The following DHX29 variants were observed in gnomAD, a reference collection of about 807,000 sequenced individuals.
The protein encoded by DHX29 is DExH-box helicase 29, also known as ATP-dependent RNA helicase DHX29.
A neutral mutation model predicts 167.9 loss-of-function variants in DHX29; 79 were observed. The observed-to-expected ratio is 0.47, with a 90% CI of 0.39 to 0.57. The LOEUF (loss-of-function observed/expected upper bound fraction) is 0.57. Among genes scored for constraint, DHX29 ranks in the 20% least tolerant of loss-of-function variants. DHX29 has a pLI of 0.00. For synonymous variants in DHX29, 530 were observed against 546.0 expected (o/e 0.97, Z 0.41); for missense variants, 1,347 against 1,593.4 (o/e 0.85, Z 2.63).
At chr5:55,286,779 T>C (rs1203933447) in intron 8 of DHX29, among the ~76,000 whole-genome samples, 1 of 152,286 alleles carries the variant, frequency 6.6e-6, no homozygotes, top group Non-Finnish European at 1.5e-5. Flanking sequence ...CATATTTGGC[T>C]AGCAGCTATG....
chr5:55,273,374 A>G lies in DHX29; in HGVS notation c.2694T>C (p.Tyr898=), dbSNP rs779785381. 2.6e-6 allele frequency: 4 copies of G among 1,567,638 alleles called. No homozygotes were observed. The highest frequency in any genetic ancestry group is 1.2e-5 in the South Asian group (1 of 82,830). The change falls in exon 17 of 27, where the codon TAT becomes TAC. Residue 898 remains tyrosine (Y), a synonymous_variant. Coordinates refer to ENST00000251636, the MANE Select transcript of DHX29 (RefSeq NM_019030.4). ...GAATAGAATGCAGAGCTATCACTTT[A>G]TATCTGAAAGTTAAAATCATAGTTC... is the stretch of plus-strand genomic sequence containing the variant. ...SNDRRFYSER[Y]KVIALHSILS...
chr5:55,282,079 C>A (rs752804990), intron 11 of DHX29, among the ~76,000 whole-genome samples: 1 of 152,286 alleles, frequency 6.6e-6, no homozygotes, highest in Non-Finnish European at 1.5e-5. Flanking sequence ...AGCCACCACA[C>A]CCAGCCCCAA....
intron 15 of DHX29, 50 bp from the exon 16 acceptor site, chr5:55,274,781 G>T (rs1211968823): frequency 6.4e-7 from 1 of 1,562,580 alleles, no homozygotes; most frequent in Non-Finnish European, 8.7e-7. Flanking sequence ...ATAAGGAACA[G>T]CATATAAAAT....
chr5:55,272,578 C>T (rs766737615), intron 17 of DHX29, among the ~76,000 whole-genome samples: 6 of 152,056 alleles, frequency 3.9e-5, no homozygotes, highest in Non-Finnish European at 8.8e-5. Flanking sequence ...ACTAAAAATA[C>T]AAAAATTAGC....
At chr5:55,299,596 C>A (rs972438483) in intron 1 of DHX29, among the ~76,000 whole-genome samples, 1 of 152,150 alleles carries the variant, frequency 6.6e-6, no homozygotes, top group Non-Finnish European at 1.5e-5. Flanking sequence ...GTTCCTTCCC[C>A]CTTCCAGCTT....
At chr5:55,288,156 T>A (rs1392942188) in intron 8 of DHX29, among the ~76,000 whole-genome samples, 2 of 151,800 alleles carry the variant, frequency 1.3e-5, no homozygotes, top group African/African-American at 4.8e-5. Context: ...GGCAGGAGGA[T>A]CACTTGAACC....
At chr5:55,298,489 T>C (rs1748430440) in intron 2 of DHX29, 102 bp downstream of exon 2, 2 of 689,866 alleles carry the variant, frequency 2.9e-6, no homozygotes, top group Non-Finnish European at 5.1e-6. Flanking sequence ...TTTACAAAAA[T>C]TTAAAACACC....
chr5:55,282,702 T>C (rs1747494360), intron 11 of DHX29, among the ~76,000 whole-genome samples: 2 of 152,230 alleles, frequency 1.3e-5, no homozygotes, highest in South Asian at 2.1e-4. Flanking sequence ...TATACTTGCA[T>C]GGCAAAATGC....
chr5:55,274,738 T>A lies in DHX29; in HGVS notation c.2573-7A>T, dbSNP rs1747021482. The A allele has an allele frequency of 6.3e-7, 1 of 1,578,522 alleles. No homozygotes were observed. The highest frequency in any genetic ancestry group is 1.4e-5 in the African/African-American group (1 of 72,526). On this transcript the variant is annotated splice_polypyrimidine_tract_variant and splice_region_variant and intron_variant, in intron 15 of 26. Coordinates refer to ENST00000251636, the MANE Select transcript of DHX29 (RefSeq NM_019030.4). ...CTGAATTGGGGACTTTTATCTGAAA[T>A]TTTTAAAAAGATACAATATTCAAAA...
chr5:55,302,402 G>A (rs1470178531), intron 1 of DHX29, among the ~76,000 whole-genome samples: 6 of 152,022 alleles, frequency 3.9e-5, no homozygotes, highest in Admixed American at 3.9e-4. Context: ...GAGTAAGACT[G>A]TAAATTCCTT....
Position 55,290,333 on chromosome 5 carries a change from G to A in DHX29, c.792C>T (p.Tyr264=), listed in dbSNP as rs1483926790. The change falls in exon 7 of 27, where the codon TAC becomes TAT. Residue 264 remains tyrosine (Y), a synonymous_variant. Coordinates refer to ENST00000251636, the MANE Select transcript of DHX29 (RefSeq NM_019030.4). ...EEEKFDPNER[Y]LHLAAKLLDA... ...CCAGCAGTTTTGCTGCAAGATGTAA[G>A]TACCTTTCATTCTGTTCCAAATAAA... 1 of 1,604,596 alleles carries A rather than the reference G, an allele frequency of 6.2e-7. No individual in the cohort carries two copies. Among genetic ancestry groups the A allele is most frequent in the East Asian group, 2.2e-5 (1 of 44,776 alleles).
chr5:55,306,367 A>G (rs890557265), intron 1 of DHX29, among the ~76,000 whole-genome samples: 5 of 152,162 alleles, frequency 3.3e-5, no homozygotes, highest in African/African-American at 1.2e-4. Context: ...TGCTTCACAG[A>G]GTTAACTCCT....
chr5:55,283,829 G>T lies in DHX29; in HGVS notation c.1357-18C>A. 6.5e-7 allele frequency: 1 copy of T among 1,544,418 alleles called. No homozygotes were observed. ...TGAACTGACTAAAGGAAAAACAGAG[G>T]TATGTTATTTTCACTAACTATTCAA... On this transcript the variant is annotated intron_variant, in intron 10 of 26. Coordinates refer to ENST00000251636, the MANE Select transcript of DHX29 (RefSeq NM_019030.4).
chr5:55,292,484 C>T (rs531192338), intron 6 of DHX29, among the ~76,000 whole-genome samples: 1 of 152,286 alleles, frequency 6.6e-6, no homozygotes, highest in Admixed American at 6.5e-5. Flanking sequence ...CCTACCCTTT[C>T]CAAATTGCTC....
At chr5:55,276,505 A>G in intron 13 of DHX29, 99 bp from the exon 14 acceptor site, 3 of 950,054 alleles carry the variant, frequency 3.2e-6, no homozygotes, top group African/African-American at 3.5e-5. Flanking sequence ...ATGTCACCAA[A>G]TGTTAATTTA....
At chr5:55,302,262 G>A (rs1447029419) in intron 1 of DHX29, among the ~76,000 whole-genome samples, 1 of 152,062 alleles carries the variant, frequency 6.6e-6, no homozygotes, top group African/African-American at 2.4e-5. Context: ...AATTTAGCAT[G>A]CAGTTTTAGA....
intron 8 of DHX29, among the ~76,000 whole-genome samples, chr5:55,286,211 A>G (rs1378691951): frequency 6.6e-6 from 1 of 151,200 alleles, no homozygotes; most frequent in Non-Finnish European, 1.5e-5. Context: ...CCAAGATTGC[A>G]CCACTGCACT....
At chr5:55,271,345 T>G (rs1746843656) in intron 18 of DHX29, among the ~76,000 whole-genome samples, 1 of 152,234 alleles carries the variant, frequency 6.6e-6, no homozygotes, top group African/African-American at 2.4e-5. Flanking sequence ...GAAATTTTCA[T>G]TTTGGCTGGG....
chr5:55,275,408 T>C (rs982283838), intron 14 of DHX29, among the ~76,000 whole-genome samples: 28 of 152,240 alleles, frequency 1.8e-4, no homozygotes, highest in Non-Finnish European at 3.7e-4. Flanking sequence ...CTTTGGCTCC[T>C]GGATTCCAAT....
Sources: gnomAD v4.1 joint callset for allele counts (sites outside exome capture counted in the v4.1 genomes callset) on GRCh38, gnomAD v4.1.1 for gene constraint, MANE v1.5 for transcripts, NCBI Gene and HGNC (gene_info 2026-07-23, HGNC 2026-07-21) for gene names.